Variants in UBE2E2 observed in about 807,000 individuals in gnomAD.
The protein encoded by UBE2E2 is ubiquitin conjugating enzyme E2 E2.
Under a neutral mutation model 24.7 loss-of-function variants are expected in UBE2E2, and 6 were observed. That is an observed-to-expected ratio of 0.24 (90% CI 0.13 to 0.48). The LOEUF (loss-of-function observed/expected upper bound fraction) is 0.48, where lower values mean the gene tolerates loss of function less well. Ranked by LOEUF, UBE2E2 falls within the 20% of genes least tolerant of loss-of-function variation. The pLI is 0.99. For missense variants in UBE2E2, 169 were observed against 245.0 expected (o/e 0.69, Z 2.07); for synonymous variants, 104 against 83.6 (o/e 1.24, Z -1.33).
chr3:23,494,514 A>G (rs567358789), intron 3 of UBE2E2, among the ~76,000 whole-genome samples: 1 of 152,342 alleles, frequency 6.6e-6, no homozygotes, highest in Admixed American at 6.5e-5. Context: ...TCAAGTGCTT[A>G]GTAGCCACAT....
intron 3 of UBE2E2, among the ~76,000 whole-genome samples, chr3:23,343,059 C>A (rs1270986780): frequency 6.6e-6 from 1 of 151,730 alleles, no homozygotes; most frequent in African/African-American, 2.4e-5. Context: ...TATATTGGGT[C>A]TTTAACTGCT....
chr3:23,234,432 A>G (rs1284895528), intron 3 of UBE2E2, among the ~76,000 whole-genome samples: 4 of 152,174 alleles, frequency 2.6e-5, no homozygotes, highest in African/African-American at 9.6e-5. Context: ...AAATTCACTC[A>G]TTGACCTTCA....
In UBE2E2 at chr3:23,338,979, T is replaced by C. The variant is rs2125308189; in HGVS notation, c.227+121667T>C. Among the ~76,000 whole-genome samples the C allele has an allele frequency of 1.3e-5, 2 of 152,268 alleles. 1 individual carries two copies. Among genetic ancestry groups the C allele is most frequent in the South Asian group, 4.1e-4 (2 of 4,830 alleles). On this transcript the variant is annotated intron_variant, in intron 3 of 5. Coordinates refer to ENST00000396703, the MANE Select transcript of UBE2E2 (RefSeq NM_152653.4). ...ATTTACAGTCACAAAAAGATCTCAC[T>C]AAAAGATATTTACTATAATTATAAA...
intron 3 of UBE2E2, among the ~76,000 whole-genome samples, chr3:23,439,982 A>AT (rs1369285907): frequency 2.7e-5 from 4 of 148,164 alleles, no homozygotes; most frequent in Admixed American, 2.0e-4. Flanking sequence ...TATTAAAAAA[A>AT]AAAAAGAGGC....
At chr3:23,281,385 A>G (rs886747996) in intron 3 of UBE2E2, among the ~76,000 whole-genome samples, 1 of 152,230 alleles carries the variant, frequency 6.6e-6, no homozygotes, top group African/African-American at 2.4e-5. Context: ...TAATACCAGC[A>G]TTTTGAGAGG....
intron 4 of UBE2E2, among the ~76,000 whole-genome samples, chr3:23,502,238 T>C (rs1021777276): frequency 2.0e-5 from 3 of 150,962 alleles, no homozygotes; most frequent in Non-Finnish European, 4.4e-5. Context: ...TTTGCTCTTT[T>C]TTTTTTTTTC....
chr3:23,579,608 G>A (rs147158168), intron 5 of UBE2E2, among the ~76,000 whole-genome samples: 99 of 151,460 alleles, frequency 6.5e-4, no homozygotes, highest in African/African-American at 2.3e-3. Flanking sequence ...ACTGATACAG[G>A]AGGATCACTT....
chr3:23,298,325 T>A (rs1158174654), intron 3 of UBE2E2, among the ~76,000 whole-genome samples: 1 of 151,738 alleles, frequency 6.6e-6, no homozygotes. Context: ...CAACACTATG[T>A]TGAATAGGAG....
At chr3:23,291,959 T>G (rs146048559) in intron 3 of UBE2E2, among the ~76,000 whole-genome samples, 8 of 148,842 alleles carry the variant, frequency 5.4e-5, no homozygotes, top group Non-Finnish European at 1.0e-4. Context: ...CCTGGGTTCA[T>G]GCCATTCTCC....
At chr3:23,291,082 C>CA (rs1025201458) in intron 3 of UBE2E2, among the ~76,000 whole-genome samples, 5 of 140,044 alleles carry the variant, frequency 3.6e-5, no homozygotes, top group South Asian at 4.4e-4. Flanking sequence ...AAAAAAAAAA[C>CA]AAAAAACGTG....
intron 3 of UBE2E2, among the ~76,000 whole-genome samples, chr3:23,304,641 A>G: frequency 6.6e-6 from 1 of 152,304 alleles, no homozygotes; most frequent in East Asian, 1.9e-4. Context: ...AATTGGAAAA[A>G]GAATGTTTTA....
intron 4 of UBE2E2, among the ~76,000 whole-genome samples, chr3:23,530,119 C>T (rs1695088260): frequency 6.6e-6 from 1 of 152,154 alleles, no homozygotes. Flanking sequence ...TCTGACTTTA[C>T]ATTATGGTCT....
At chr3:23,317,139 C>A (rs903527561) in intron 3 of UBE2E2, among the ~76,000 whole-genome samples, 5 of 152,174 alleles carry the variant, frequency 3.3e-5, no homozygotes, top group Non-Finnish European at 7.4e-5. Context: ...TGTGTCCCCC[C>A]AAATGTGCTG....
At chr3:23,554,497 G>A (rs1335047882) in intron 5 of UBE2E2, among the ~76,000 whole-genome samples, 2 of 152,082 alleles carry the variant, frequency 1.3e-5, no homozygotes, top group Non-Finnish European at 2.9e-5. Flanking sequence ...GGGTGACAGA[G>A]CAAGACCCTC....
intron 3 of UBE2E2, among the ~76,000 whole-genome samples, chr3:23,494,875 G>A (rs992523489): frequency 1.3e-5 from 2 of 151,808 alleles, no homozygotes; most frequent in Admixed American, 6.6e-5. Flanking sequence ...CCTGGGATAG[G>A]AGTATTTCAG....
chr3:23,498,511 A>C (rs1049685730), intron 3 of UBE2E2, among the ~76,000 whole-genome samples: 1 of 152,272 alleles, frequency 6.6e-6, no homozygotes, highest in African/African-American at 2.4e-5. Context: ...CAATTTGGAG[A>C]AACTGACATT....
At chr3:23,303,334 A>C (rs980839957) in intron 3 of UBE2E2, among the ~76,000 whole-genome samples, 1 of 152,184 alleles carries the variant, frequency 6.6e-6, no homozygotes, top group African/African-American at 2.4e-5. Flanking sequence ...CACAACAACT[A>C]TAATGAGCTT....
intron 3 of UBE2E2, among the ~76,000 whole-genome samples, chr3:23,416,674 TTTCAGGTACACCAACCAAACG>T (rs1434585999): frequency 6.6e-6 from 1 of 152,204 alleles, no homozygotes; most frequent in African/African-American, 2.4e-5. Flanking sequence ...TCCCCGTCAC[TTTCAGGTACACCAACCAAACG>T]TTGGTTTGGT....
intron 3 of UBE2E2, among the ~76,000 whole-genome samples, chr3:23,404,686 G>A (rs1005573949): frequency 6.6e-6 from 1 of 152,078 alleles, no homozygotes; most frequent in African/African-American, 2.4e-5. Flanking sequence ...TTGTTCATCA[G>A]CATTTTTTGC....
Sources: allele counts gnomAD v4.1 joint callset (sites outside exome capture counted in the v4.1 genomes callset), GRCh38; gene constraint gnomAD v4.1.1; transcripts MANE v1.5; gene names NCBI Gene and HGNC (gene_info 2026-07-23, HGNC 2026-07-21).